The following PCDHGA8 variants were observed in gnomAD, a reference collection of about 807,000 sequenced individuals.
PCDHGA8 encodes the protein protocadherin gamma-A8.
PCDHGA8 carries 45 observed loss-of-function variants against 59.2 expected under a neutral mutation model. The ratio of observed to expected loss-of-function variants is 0.76; its 90% CI spans 0.60 to 0.98. PCDHGA8 has a LOEUF of 0.98. PCDHGA8 is among the 50% of genes least tolerant of loss of function. The pLI is 0.00. For missense variants in PCDHGA8, 1,257 were observed against 1,196.2 expected (o/e 1.05, Z -0.75); for synonymous variants, 531 against 519.0 (o/e 1.02, Z -0.32).
intron 1 of PCDHGA8, among the ~76,000 whole-genome samples, chr5:141,405,944 A>T (rs1435240635): frequency 6.6e-6 from 1 of 152,130 alleles, no homozygotes; most frequent in East Asian, 1.9e-4. Flanking sequence ...TCATGTTCTC[A>T]TAATAATTAA....
At chr5:141,413,460 C>T (rs1561742736) in intron 1 of PCDHGA8, 4 of 1,613,974 alleles carry the variant, frequency 2.5e-6, no homozygotes, top group Middle Eastern at 1.6e-4. Context: ...GCAGGATAGA[C>T]CGGGAGGAGC....
chr5:141,455,406 C>A (rs991797932), intron 1 of PCDHGA8, among the ~76,000 whole-genome samples: 1 of 152,108 alleles, frequency 6.6e-6, no homozygotes, highest in Non-Finnish European at 1.5e-5. Flanking sequence ...CTTACAGAGA[C>A]AGAGGGAGCG....
rs1561748501 is a variant in PCDHGA8 at position 141,414,351 on chromosome 5, G to GT, written c.2424+19115dup. On this transcript the variant is annotated intron_variant, in intron 1 of 3. Coordinates refer to ENST00000398604, the MANE Select transcript of PCDHGA8 (RefSeq NM_032088.2). ...GACAGGTAACCTGTTCCATTTTGGC[G>GT]TATCTACCATTTAAATTAGAAAAGT... 2.5e-6 allele frequency: 4 copies of GT among 1,613,794 alleles called. No individual in the cohort carries two copies. The South Asian group carries it at 3.3e-5, about 13-fold the overall frequency.
chr5:141,439,568 A>G (rs2098121048), intron 1 of PCDHGA8, among the ~76,000 whole-genome samples: 1 of 152,208 alleles, frequency 6.6e-6, no homozygotes, highest in Non-Finnish European at 1.5e-5. Context: ...GTTCTAGAGT[A>G]GGGACTCAGA....
rs765376157 is a variant in PCDHGA8 at position 141,486,033 on chromosome 5, A to G, written c.2425-8774A>G. 4.3e-6 allele frequency: 7 copies of G among 1,614,148 alleles called. No individual in the cohort carries two copies. The highest frequency in any genetic ancestry group is 5.9e-6 in the Non-Finnish European group (7 of 1,180,014). ...TTTTATTTCAGTGGTCATACCCCTG[A>G]TCGTGTAAGAAACCTCTTTAGCCTG... On this transcript the variant is annotated intron_variant, in intron 1 of 3. Transcript: ENST00000398604. This position sits in a 1 kb window ranked among gnomAD's most constrained non-coding sequence, Gnocchi z 5.0.
intron 3 of PCDHGA8, 79 bp downstream of exon 3, chr5:141,505,560 G>A: frequency 6.2e-7 from 1 of 1,604,768 alleles, no homozygotes; most frequent in South Asian, 1.1e-5. Context: ...CATGCCCACG[G>A]ACTGGATGTC....
intron 1 of PCDHGA8, chr5:141,403,174 T>C: frequency 1.9e-6 from 3 of 1,614,000 alleles, no homozygotes; most frequent in Non-Finnish European, 2.5e-6. Context: ...GGACGCAGCT[T>C]TTCTCTCTGA....
At chr5:141,408,271 T>A in intron 1 of PCDHGA8, 23 of 1,610,976 alleles carry the variant, frequency 1.4e-5, no homozygotes, top group Non-Finnish European at 1.9e-5. Context: ...TGCTGCTGCC[T>A]TTGTTCTACC....
rs1211398299 is a variant in PCDHGA8 at position 141,420,143 on chromosome 5, A to G, written c.2424+24906A>G. The G allele has an allele frequency of 1.2e-6, 2 of 1,614,052 alleles. No homozygotes were observed. The highest frequency in any genetic ancestry group is 2.2e-5 in the East Asian group (1 of 44,888). On this transcript the variant is annotated intron_variant, in intron 1 of 3. Transcript: ENST00000398604. The stretch of plus-strand genomic sequence containing the variant: ...TTTTTGTGTGCCTGGGGATCAAATG[A>G]ATCCAGAATTTAATTTTTTCACATC...
At chr5:141,507,450 CAG>C (rs940460926) in intron 3 of PCDHGA8, among the ~76,000 whole-genome samples, 3 of 152,168 alleles carry the variant, frequency 2.0e-5, no homozygotes, top group African/African-American at 7.2e-5. Flanking sequence ...GACGGAAGGA[CAG>C]AGAGAGAGGT....
rs1174072440 is a variant in PCDHGA8, at chr5:141,438,581, TACATACATAC to T, written c.2424+43346_2424+43355del. Among the ~76,000 whole-genome samples, 141 of 49,790 alleles carry T rather than the reference TACATACATAC, an allele frequency of 2.8e-3. 1 individual carries two copies. Among genetic ancestry groups the T allele is most frequent in the African/African-American group, 0.014 (97 of 6,866 alleles). 32.7% of individuals were successfully genotyped at this position (49,790 alleles called of 152,430 possible). A position where few individuals can be genotyped will look rare whatever the true frequency, so the allele number is the denominator to read the frequency against. On this transcript the variant is annotated intron_variant, in intron 1 of 3. Coordinates refer to ENST00000398604, the MANE Select transcript of PCDHGA8 (RefSeq NM_032088.2). ...GAGGCAGCTGTCTGATATACATACA[TACATACATAC>T]ATATATATATATATATATATATATA...
chr5:141,403,083 T>C lies in PCDHGA8; in HGVS notation c.2424+7846T>C, dbSNP rs775664314. 7 of 1,613,932 alleles carry C rather than the reference T, an allele frequency of 4.3e-6. No individual in the cohort carries two copies. The highest frequency in any genetic ancestry group is 2.7e-5 in the African/African-American group (2 of 74,948). ...CCTGAAGAGACAGAAAAGGGCTATATTGTGGGCAACATCTCCAAGGACCTG... is the reference window on the plus strand; with the variant it reads ...CCTGAAGAGACAGAAAAGGGCTATACTGTGGGCAACATCTCCAAGGACCTG... On this transcript the variant is annotated intron_variant, in intron 1 of 3. Transcript: ENST00000398604.
intron 1 of PCDHGA8, chr5:141,421,335 G>A (rs2096564985): frequency 1.2e-6 from 2 of 1,613,944 alleles, no homozygotes; most frequent in Non-Finnish European, 8.5e-7. Context: ...GATATTCGGT[G>A]CCAGAAGAGA....
chr5:141,410,544 G>T, intron 1 of PCDHGA8: 1 of 1,613,640 alleles, frequency 6.2e-7, no homozygotes, highest in Non-Finnish European at 8.5e-7. Flanking sequence ...GACATGGTTT[G>T]CAGTGTTTCT....
rs1413324509 is a variant in PCDHGA8 at position 141,431,464 on chromosome 5, G to T, written c.2424+36227G>T. The T allele has an allele frequency of 6.2e-7, 1 of 1,613,782 alleles. No homozygotes were observed. The highest frequency in any genetic ancestry group is 2.2e-5 in the East Asian group (1 of 44,880). ...GCATCCGCGTGATGGTTCTGGATGC[G>T]AACGACAACGCACCAGCGTTTGCTC... On this transcript the variant is annotated intron_variant, in intron 1 of 3. Transcript: ENST00000398604. This position sits in a 1 kb window ranked among gnomAD's most constrained non-coding sequence, Gnocchi z 4.8.
At chr5:141,500,876 A>G (rs909126749) in intron 2 of PCDHGA8, among the ~76,000 whole-genome samples, 1 of 124,952 alleles carries the variant, frequency 8.0e-6, no homozygotes, top group African/African-American at 3.5e-5. Flanking sequence ...ATTCATTTAC[A>G]ATTTTTTTTT....
At position 141,487,448 on chromosome 5, in the gene PCDHGA8, C is replaced by T; in HGVS notation, c.2425-7359C>T. The stretch of plus-strand genomic sequence containing the variant: ...CCGAATCCAGCTAGGGTCAGATGAC[C>T]CTATCAAGTTTGTTGATGTGGGAGG... On this transcript the variant is annotated intron_variant, in intron 1 of 3. Coordinates refer to ENST00000398604, the MANE Select transcript of PCDHGA8 (RefSeq NM_032088.2). The surrounding 1 kb of genome is among the most constrained non-coding windows in gnomAD (Gnocchi z 5.0). 6.8e-6 allele frequency: 11 copies of T among 1,614,146 alleles called. No individual in the cohort carries two copies. The highest frequency in any genetic ancestry group is 9.3e-6 in the Non-Finnish European group (11 of 1,180,028).
Position 141,485,210 on chromosome 5 carries a change from C to G in PCDHGA8, c.2425-9597C>G. 2 of 1,614,058 alleles carry G rather than the reference C, an allele frequency of 1.2e-6. No individual in the cohort carries two copies. The highest frequency in any genetic ancestry group is 1.7e-6 in the Non-Finnish European group (2 of 1,179,934). On this transcript the variant is annotated intron_variant, in intron 1 of 3. Transcript: ENST00000398604. The surrounding 1 kb of genome is among the most constrained non-coding windows in gnomAD (Gnocchi z 5.7). ...GGTGAGAAGCTGGACAGAAATCTGG[C>G]GGTGGGCTACCCTTTTGTTCCTCTT...
chr5:141,474,093 C>G (rs2099341169), intron 1 of PCDHGA8, among the ~76,000 whole-genome samples: 1 of 152,098 alleles, frequency 6.6e-6, no homozygotes, highest in African/African-American at 2.4e-5. Flanking sequence ...AAAAAACAAA[C>G]AACAACAAAA....
Sources: allele counts gnomAD v4.1 joint callset (sites outside exome capture counted in the v4.1 genomes callset), GRCh38; gene constraint gnomAD v4.1.1; non-coding constraint Gnocchi (gnomAD v3.1); transcripts MANE v1.5; gene names NCBI Gene and HGNC (gene_info 2026-07-23, HGNC 2026-07-21).